Variants in NUP210 observed in about 807,000 individuals in gnomAD.
NUP210 encodes nuclear pore membrane glycoprotein 210.
Under a neutral mutation model 196.0 loss-of-function variants are expected in NUP210, and 151 were observed. The observed-to-expected ratio is 0.77, with a 90% CI of 0.67 to 0.88. NUP210 has a LOEUF of 0.88. Among genes scored for constraint, NUP210 ranks in the 40% least tolerant of loss-of-function variants. The pLI, the probability that NUP210 is intolerant of heterozygous loss-of-function variation, is 0.00. For missense variants in NUP210, 2,314 were observed against 2,493.7 expected (o/e 0.93, Z 1.53); for synonymous variants, 1,070 against 1,052.7 (o/e 1.02, Z -0.32).
chr3:13,352,213 C>A (rs1441828217), intron 18 of NUP210, 29 bp from the exon 19 acceptor site: 20 of 1,542,768 alleles, frequency 1.3e-5, no homozygotes, highest in Non-Finnish European at 1.7e-5. Context: ...GCCATTAGAT[C>A]CAGGAGGACA....
rs537247738 is a variant in NUP210, at chr3:13,365,994, G to A, written c.1884C>T (p.His628=). The stretch of plus-strand genomic sequence containing the variant: ...TGGTGATCTTGGCACTCAGGTGGAC[G>A]TGGCCGTGTCTGTAGCTCACAAGAA... ...TTLLVSYRHG[H]VHLSAKITIA... The change falls in exon 14 of 40, where the codon CAC becomes CAT. Residue 628 remains histidine, a synonymous_variant. Transcript: ENST00000254508. The A allele has an allele frequency of 7.4e-6, 12 of 1,614,226 alleles. No homozygotes were observed. The highest frequency in any genetic ancestry group is 4.0e-5 in the African/African-American group (3 of 75,058).
chr3:13,420,040 G>A lies in NUP210; in HGVS notation c.167+20C>T. The A allele has an allele frequency of 1.6e-6, 2 of 1,227,550 alleles. No homozygotes were observed. The highest frequency in any genetic ancestry group is 4.4e-5 in the East Asian group (1 of 22,710). The allele number at this position is 1,227,550 out of a possible 1,614,324, so 76.0% of individuals were successfully genotyped here. On this transcript the variant is annotated intron_variant, in intron 1 of 39. Coordinates refer to ENST00000254508, the MANE Select transcript of NUP210 (RefSeq NM_024923.4). The surrounding 1 kb of genome is among the most constrained non-coding windows in gnomAD (Gnocchi z 4.8). ...CCAGCCCGGCCCACGGCGCCCGCCC[G>A]GCCCGGCCGCGCGCCTCACCAGCGG...
intron 33 of NUP210, 120 bp downstream of exon 33, chr3:13,325,675 C>T: frequency 2.4e-6 from 3 of 1,234,496 alleles, no homozygotes; most frequent in Non-Finnish European, 3.4e-6. Context: ...TCATGACTCC[C>T]AGACCCAACC....
rs529558590 is a variant in NUP210 at position 13,419,057 on chromosome 3, A to G, written c.167+1003T>C. ...TCGGGCATCACACTTACATACACGCACAGACTAATACTCAAACAGGCTTGA... is the reference window on the plus strand; with the variant it reads ...TCGGGCATCACACTTACATACACGCGCAGACTAATACTCAAACAGGCTTGA... On this transcript the variant is annotated intron_variant, in intron 1 of 39. Transcript: ENST00000254508. Among the ~76,000 whole-genome samples the G allele has an allele frequency of 2.0e-5, 3 of 152,028 alleles. No homozygotes were observed. In the East Asian group the frequency reaches 5.8e-4, roughly 30 times the overall value.
intron 6 of NUP210, among the ~76,000 whole-genome samples, chr3:13,385,434 T>C (rs1256609346): frequency 1.3e-5 from 2 of 152,198 alleles, no homozygotes; most frequent in Non-Finnish European, 2.9e-5. Context: ...TAATGATCCT[T>C]AGGAGGACTG....
In NUP210 at chr3:13,335,496, C is replaced by G; in HGVS notation, c.3801G>C (p.Leu1267=). 6.2e-7 allele frequency: 1 copy of G among 1,614,134 alleles called. No individual in the cohort carries two copies. The highest frequency in any genetic ancestry group is 8.5e-7 in the Non-Finnish European group (1 of 1,180,042). ...VKAVDPTSGQ[L]YGLARELSDE... is the part of the protein sequence containing the mutation. ...CCGAGAGTTCTCTGGCCAGGCCATA[C>G]AGCTGCCCCGATGTGGGGTCCACAG... The change falls in exon 28 of 40, where the codon CTG becomes CTC. Residue 1267 remains leucine (L), a synonymous_variant. Transcript: ENST00000254508.
chr3:13,400,777 G>A (rs1294394126), intron 1 of NUP210, among the ~76,000 whole-genome samples: 1 of 152,078 alleles, frequency 6.6e-6, no homozygotes, highest in Non-Finnish European at 1.5e-5. Flanking sequence ...TGTGACCAAG[G>A]CCCCAGGAGG....
intron 14 of NUP210, among the ~76,000 whole-genome samples, chr3:13,361,936 C>A (rs892140888): frequency 7.9e-5 from 12 of 152,110 alleles, no homozygotes; most frequent in African/African-American, 2.9e-4. Flanking sequence ...TTAGGCGACC[C>A]CTCCTCACAC....
intron 6 of NUP210, among the ~76,000 whole-genome samples, chr3:13,384,083 C>T (rs1404211488): frequency 6.6e-6 from 1 of 152,228 alleles, no homozygotes; most frequent in Non-Finnish European, 1.5e-5. Flanking sequence ...CTGTCTCAGC[C>T]TCTTGAGTAG....
Position 13,323,989 on chromosome 3 carries a change from A to C in NUP210, c.4645-557T>G, listed in dbSNP as rs551425534. The stretch of plus-strand genomic sequence containing the variant: ...TGAAGGCCCCCCTCCCTCTCTCAGC[A>C]GGCACCAGCGCTCCCTGCCTCCAGG... On this transcript the variant is annotated intron_variant, in intron 33 of 39. Coordinates refer to ENST00000254508, the MANE Select transcript of NUP210 (RefSeq NM_024923.4). This position sits in a 1 kb window ranked among gnomAD's most constrained non-coding sequence, Gnocchi z 4.3. 1.3e-5 allele frequency among the ~76,000 whole-genome samples: 2 copies of C among 152,288 alleles called. No individual in the cohort carries two copies. The highest frequency in any genetic ancestry group is 3.9e-4 in the East Asian group (2 of 5,174).
chr3:13,373,303 C>G (rs1225446289), intron 12 of NUP210, among the ~76,000 whole-genome samples: 1 of 152,234 alleles, frequency 6.6e-6, no homozygotes, highest in Non-Finnish European at 1.5e-5. Context: ...CAGGGAACAC[C>G]TGCCTTTGTA....
Position 13,332,880 on chromosome 3 carries a change from C to T in NUP210, c.3844-496G>A, listed in dbSNP as rs566170231. On this transcript the variant is annotated intron_variant, in intron 28 of 39. Coordinates refer to ENST00000254508, the MANE Select transcript of NUP210 (RefSeq NM_024923.4). ...AGAACTTTACCTGCCAGGATGTGAGCGCGGAGGGCAGCACACACAACTCCA... is the reference window on the plus strand; with the variant it reads ...AGAACTTTACCTGCCAGGATGTGAGTGCGGAGGGCAGCACACACAACTCCA... Among the ~76,000 whole-genome samples, 12 of 152,348 alleles carry T rather than the reference C, an allele frequency of 7.9e-5. No homozygotes were observed. The East Asian group carries it at 2.1e-3, about 27-fold the overall frequency.
At chr3:13,324,562 C>A (rs939896912) in intron 33 of NUP210, among the ~76,000 whole-genome samples, 1 of 152,210 alleles carries the variant, frequency 6.6e-6, no homozygotes, top group Non-Finnish European at 1.5e-5. Context: ...TCCCCTCCAG[C>A]CTCACTTCTG....
At chr3:13,330,288 G>A (rs1457698098) in intron 30 of NUP210, among the ~76,000 whole-genome samples, 172 bp downstream of exon 30, 2 of 152,232 alleles carry the variant, frequency 1.3e-5, no homozygotes, top group Non-Finnish European at 2.9e-5. Flanking sequence ...CTGATGACCA[G>A]AAGATGCTGT....
At chr3:13,367,710 G>C (rs1698588832) in intron 13 of NUP210, among the ~76,000 whole-genome samples, 1 of 152,200 alleles carries the variant, frequency 6.6e-6, no homozygotes, top group Non-Finnish European at 1.5e-5. Context: ...CAACTCAGCA[G>C]TGTTCATGGG....
At chr3:13,346,994 G>C (rs1212993939) in intron 20 of NUP210, 1 of 985,060 alleles carries the variant, frequency 1.0e-6, no homozygotes, top group African/African-American at 1.7e-5. Flanking sequence ...GTGCACCACT[G>C]TCCACAGATC....
At chr3:13,370,546 C>T (rs1488332199) in intron 13 of NUP210, among the ~76,000 whole-genome samples, 2 of 152,186 alleles carry the variant, frequency 1.3e-5, no homozygotes, top group African/African-American at 4.8e-5. Context: ...CCTGCAGACT[C>T]CCTCCAGGAC....
At chr3:13,380,351 G>A (rs531596421) in intron 6 of NUP210, among the ~76,000 whole-genome samples, 6 of 152,314 alleles carry the variant, frequency 3.9e-5, no homozygotes, top group African/African-American at 1.2e-4. Flanking sequence ...TGACAGCAAT[G>A]GTGACTGCTG....
At chr3:13,393,165 C>G in intron 3 of NUP210, among the ~76,000 whole-genome samples, 1 of 152,264 alleles carries the variant, frequency 6.6e-6, no homozygotes, top group South Asian at 2.1e-4. Context: ...AAAATACCAA[C>G]GCATGGGGTT....
Sources: allele counts gnomAD v4.1 joint callset (sites outside exome capture counted in the v4.1 genomes callset), GRCh38; gene constraint gnomAD v4.1.1; non-coding constraint Gnocchi (gnomAD v3.1); transcripts MANE v1.5; gene names NCBI Gene and HGNC (gene_info 2026-07-23, HGNC 2026-07-21).